DCC: variants seen among roughly 807,000 people sequenced by gnomAD.
DCC encodes the protein DCC netrin 1 receptor.
A neutral mutation model predicts 172.5 loss-of-function variants in DCC; 58 were observed. The observed-to-expected ratio is 0.34, with a 90% confidence interval of 0.27 to 0.42. The LOEUF (loss-of-function observed/expected upper bound fraction) is 0.42, where lower values mean the gene tolerates loss of function less well. Among genes scored for constraint, DCC ranks in the 10% least tolerant of loss-of-function variants. DCC has a pLI of 1.00. For synonymous variants in DCC, 709 were observed against 644.5 expected (o/e 1.10, Z -1.52); for missense variants, 1,740 against 1,791.0 (o/e 0.97, Z 0.51).
At chr18:52,570,736 A>G (rs2033273722) in intron 1 of DCC, among the ~76,000 whole-genome samples, 1 of 152,204 alleles carries the variant, frequency 6.6e-6, no homozygotes, top group East Asian at 1.9e-4. Flanking sequence ...TAAAGTTGAT[A>G]TTTTTAAAAG....
chr18:52,912,910 A>G (rs940654627), intron 3 of DCC, among the ~76,000 whole-genome samples: 2 of 152,238 alleles, frequency 1.3e-5, no homozygotes, highest in African/African-American at 4.8e-5. Context: ...AGGCCATGCT[A>G]TAACACAATA....
intron 7 of DCC, among the ~76,000 whole-genome samples, chr18:53,075,638 T>C (rs541022239): frequency 6.6e-6 from 1 of 152,240 alleles, no homozygotes; most frequent in East Asian, 1.9e-4. Context: ...GACTTTGAAT[T>C]TGTTATATTT....
chr18:52,756,963 AG>A (rs2037085808), intron 2 of DCC: 2 of 152,148 alleles, frequency 1.3e-5, no homozygotes, highest in South Asian at 2.1e-4. Flanking sequence ...ATTTTTTTTC[AG>A]GGCAATGAAA....
chr18:53,255,293 C>A (rs908605895), intron 12 of DCC, among the ~76,000 whole-genome samples: 1 of 151,150 alleles, frequency 6.6e-6, no homozygotes, highest in African/African-American at 2.4e-5. Context: ...TATACATGTA[C>A]CATGTTGGTG....
intron 1 of DCC, among the ~76,000 whole-genome samples, chr18:52,460,128 T>C (rs1988586698): frequency 6.6e-6 from 1 of 152,194 alleles, no homozygotes; most frequent in Non-Finnish European, 1.5e-5. Flanking sequence ...TTGTTCTCAC[T>C]TCCTGCTTTA....
intron 14 of DCC, among the ~76,000 whole-genome samples, chr18:53,337,184 T>C (rs184815002): frequency 6.6e-6 from 1 of 152,398 alleles, no homozygotes; most frequent in East Asian, 1.9e-4. Context: ...TGAAAACATT[T>C]TTAACAGTTG....
chr18:53,097,303 T>C (rs185499825), intron 7 of DCC, among the ~76,000 whole-genome samples: 9 of 152,324 alleles, frequency 5.9e-5, no homozygotes, highest in Admixed American at 4.6e-4. Context: ...CACTTCCCGG[T>C]TGCCCTTCTA....
chr18:52,350,071 G>A (rs1372776422), intron 1 of DCC, among the ~76,000 whole-genome samples: 1 of 152,156 alleles, frequency 6.6e-6, no homozygotes, highest in Non-Finnish European at 1.5e-5. Flanking sequence ...TAAAATCATT[G>A]AGATATTATA....
At chr18:53,523,279 G>T (rs2046420458) in intron 27 of DCC, among the ~76,000 whole-genome samples, 1 of 152,164 alleles carries the variant, frequency 6.6e-6, no homozygotes, top group African/African-American at 2.4e-5. Flanking sequence ...TGCTAGAGAG[G>T]ATGTGGAGAA....
intron 19 of DCC, among the ~76,000 whole-genome samples, chr18:53,408,460 G>A (rs919206454): frequency 4.6e-5 from 7 of 152,184 alleles, no homozygotes; most frequent in African/African-American, 7.2e-5. Context: ...TTGGGCAGAC[G>A]TCTTCATCAA....
At chr18:53,087,526 T>C (rs1463985792) in intron 7 of DCC, among the ~76,000 whole-genome samples, 9 of 152,014 alleles carry the variant, frequency 5.9e-5, no homozygotes, top group African/African-American at 1.9e-4. Context: ...GAGTAGGTTG[T>C]GAAAATTTTC....
At chr18:52,932,690 C>T (rs1258736675) in intron 5 of DCC, among the ~76,000 whole-genome samples, 1 of 152,032 alleles carries the variant, frequency 6.6e-6, no homozygotes, top group Non-Finnish European at 1.5e-5. Flanking sequence ...AGCATGTCCA[C>T]CTTACACAGA....
At chr18:53,111,667 C>G (rs1324926377) in intron 7 of DCC, among the ~76,000 whole-genome samples, 2 of 151,604 alleles carry the variant, frequency 1.3e-5, no homozygotes, top group Non-Finnish European at 3.0e-5. Context: ...TTTAGATCCT[C>G]AGTCTTGATT....
chr18:52,447,203 G>A (rs369199734), intron 1 of DCC, among the ~76,000 whole-genome samples: 13 of 152,172 alleles, frequency 8.5e-5, no homozygotes, highest in South Asian at 4.1e-4. Flanking sequence ...ATAACCCCCC[G>A]TCTTAGTCGA....
At position 53,512,436 on chromosome 18, in the gene DCC, C is replaced by T. The variant is rs540345847; in HGVS notation, c.4111+12926C>T. Among the ~76,000 whole-genome samples the T allele has an allele frequency of 6.3e-3, 960 of 151,626 alleles. 8 individuals are homozygous for T. Among genetic ancestry groups the T allele is most frequent in the Non-Finnish European group, 0.011 (739 of 67,918 alleles). On this transcript the variant is annotated intron_variant, in intron 27 of 28. Coordinates refer to ENST00000442544, the MANE Select transcript of DCC (RefSeq NM_005215.4). ...CCTCCAAAAGAACGCAGTTCCTCAC[C>T]AGCAACGGAACAAAGCTGGATGGAG... is the stretch of plus-strand genomic sequence containing the variant.
chr18:52,417,126 T>G (rs554637229), intron 1 of DCC, among the ~76,000 whole-genome samples: 1 of 152,256 alleles, frequency 6.6e-6, no homozygotes, highest in African/African-American at 2.4e-5. Flanking sequence ...TCTCCTTCAC[T>G]TATGAAGCTT....
intron 12 of DCC, among the ~76,000 whole-genome samples, chr18:53,264,833 G>A (rs1037828788): frequency 5.9e-5 from 9 of 151,978 alleles, no homozygotes; most frequent in South Asian, 2.1e-4. Flanking sequence ...CAAGCAGTGC[G>A]GTAGAAGCAT....
chr18:53,326,901 A>G (rs770532775), intron 14 of DCC, among the ~76,000 whole-genome samples: 46 of 152,316 alleles, frequency 3.0e-4, no homozygotes, highest in South Asian at 6.2e-4. Context: ...AGGTAACTGC[A>G]TCATTAGGCC....
At chr18:52,376,997 T>C (rs1048944426) in intron 1 of DCC, among the ~76,000 whole-genome samples, 12 of 152,220 alleles carry the variant, frequency 7.9e-5, no homozygotes, top group African/African-American at 2.9e-4. Flanking sequence ...CTATCACCCG[T>C]TGTTTCTATA....
Sources: gnomAD v4.1 joint callset for allele counts (sites outside exome capture counted in the v4.1 genomes callset) on GRCh38, gnomAD v4.1.1 for gene constraint, MANE v1.5 for transcripts, NCBI Gene and HGNC (gene_info 2026-07-23, HGNC 2026-07-21) for gene names.